The following CTNNA3 variants were observed in gnomAD, a reference collection of about 807,000 sequenced individuals.
CTNNA3 encodes the protein catenin alpha-3.
CTNNA3 carries 76 observed loss-of-function variants against 95.7 expected under a neutral mutation model. That is an observed-to-expected ratio of 0.79 (90% CI 0.66 to 0.96). The LOEUF (loss-of-function observed/expected upper bound fraction) is 0.96, where lower values mean the gene tolerates loss of function less well. Among genes scored for constraint, CTNNA3 ranks in the 40% least tolerant of loss-of-function variants. The probability of loss-of-function intolerance (pLI) is 0.00; values close to 1 mark genes in which losing one functional copy is unlikely to be tolerated. For missense variants in CTNNA3, 1,191 were observed against 1,089.8 expected (o/e 1.09, Z -1.31); for synonymous variants, 431 against 374.4 (o/e 1.15, Z -1.74).
chr10:66,405,301 T>TG (rs1250692189), intron 11 of CTNNA3, among the ~76,000 whole-genome samples: 1 of 152,146 alleles, frequency 6.6e-6, no homozygotes, highest in Non-Finnish European at 1.5e-5. Context: ...ATTATGTGAT[T>TG]TATATTAAAT....
At chr10:66,903,781 G>C (rs1845862530) in intron 7 of CTNNA3, among the ~76,000 whole-genome samples, 1 of 152,102 alleles carries the variant, frequency 6.6e-6, no homozygotes, top group Non-Finnish European at 1.5e-5. Context: ...ATTCACAATT[G>C]CTACAAAGAG....
intron 7 of CTNNA3, among the ~76,000 whole-genome samples, chr10:66,936,793 T>C (rs1263984822): frequency 6.6e-6 from 1 of 152,148 alleles, no homozygotes; most frequent in South Asian, 2.1e-4. Flanking sequence ...TGGTTTCTTA[T>C]GCGTTATCAA....
intron 7 of CTNNA3, among the ~76,000 whole-genome samples, chr10:67,156,783 TC>T (rs1162308215): frequency 6.6e-6 from 1 of 152,102 alleles, no homozygotes; most frequent in Non-Finnish European, 1.5e-5. Context: ...GAATGTTCTG[TC>T]CATGTTTTTT....
intron 7 of CTNNA3, among the ~76,000 whole-genome samples, chr10:67,127,431 C>T (rs915672955): frequency 1.3e-5 from 2 of 152,182 alleles, no homozygotes; most frequent in Non-Finnish European, 2.9e-5. Flanking sequence ...TGAACATCAT[C>T]ATTCCAGGAT....
intron 1 of CTNNA3, among the ~76,000 whole-genome samples, chr10:67,689,806 T>A (rs1199545356): frequency 6.6e-6 from 1 of 152,140 alleles, no homozygotes; most frequent in Non-Finnish European, 1.5e-5. Context: ...CTGGCACCTG[T>A]GTCTTTAGTC....
intron 5 of CTNNA3, among the ~76,000 whole-genome samples, chr10:67,432,132 A>G (rs1846129342): frequency 1.3e-5 from 2 of 152,026 alleles, no homozygotes. Flanking sequence ...CTAAATGCCT[A>G]TATTAGAAAA....
chr10:67,465,676 C>A (rs1044758093), intron 5 of CTNNA3, among the ~76,000 whole-genome samples: 14 of 152,078 alleles, frequency 9.2e-5, no homozygotes, highest in Non-Finnish European at 1.9e-4. Context: ...CAACTCAGCA[C>A]CCAGGGGAGA....
chr10:66,917,098 A>T (rs1031647678), intron 7 of CTNNA3, among the ~76,000 whole-genome samples: 2 of 152,210 alleles, frequency 1.3e-5, no homozygotes, highest in African/African-American at 4.8e-5. Flanking sequence ...CATCAACAAG[A>T]ATGCAAGAAG....
At chr10:67,170,553 T>C (rs1861974370) in intron 7 of CTNNA3, among the ~76,000 whole-genome samples, 1 of 152,102 alleles carries the variant, frequency 6.6e-6, no homozygotes, top group African/African-American at 2.4e-5. Context: ...CACTTATAAG[T>C]GGGAGCTAAA....
intron 9 of CTNNA3, among the ~76,000 whole-genome samples, chr10:66,635,990 CTGTGTGTGTGTG>C (rs10527642): frequency 0.13 from 18,958 of 145,814 alleles, 1,560 homozygotes; most frequent in African/African-American, 0.23. Context: ...TGGAAGAACA[CTGTGTGTGTGTG>C]TGTGTGTGTG....
At chr10:66,717,224 C>T (rs943710907) in intron 9 of CTNNA3, among the ~76,000 whole-genome samples, 1 of 152,064 alleles carries the variant, frequency 6.6e-6, no homozygotes, top group Non-Finnish European at 1.5e-5. Context: ...GACCTGCCAG[C>T]CCCCGCCATG....
intron 7 of CTNNA3, among the ~76,000 whole-genome samples, chr10:67,109,534 T>A (rs1458335923): frequency 1.3e-5 from 2 of 152,176 alleles, no homozygotes; most frequent in Non-Finnish European, 2.9e-5. Flanking sequence ...AAGGCATAGT[T>A]TTCTGATTTT....
chr10:66,159,007 T>A (rs2084698380), intron 13 of CTNNA3, among the ~76,000 whole-genome samples: 1 of 152,110 alleles, frequency 6.6e-6, no homozygotes. Flanking sequence ...TACATTAATC[T>A]TGTATCTGGA....
intron 1 of CTNNA3, among the ~76,000 whole-genome samples, chr10:67,731,847 C>A (rs1462934456): frequency 6.7e-6 from 1 of 149,276 alleles, no homozygotes; most frequent in African/African-American, 2.5e-5. Flanking sequence ...TGGTTCACAT[C>A]ATTAGTTTTT....
chr10:67,673,797 GGAC>G (rs1454493935), intron 1 of CTNNA3, among the ~76,000 whole-genome samples: 1 of 128,860 alleles, frequency 7.8e-6, no homozygotes, highest in Non-Finnish European at 1.7e-5. Flanking sequence ...AGTTAATAAC[GGAC>G]GTCCGTTATT....
intron 16 of CTNNA3, among the ~76,000 whole-genome samples, chr10:65,979,677 C>A (rs918378297): frequency 2.1e-4 from 32 of 151,950 alleles, no homozygotes; most frequent in Non-Finnish European, 4.3e-4. Context: ...TGTAACTATA[C>A]ATGAAGTGAA....
At chr10:66,286,161 T>C (rs1419046875) in intron 12 of CTNNA3, among the ~76,000 whole-genome samples, 1 of 152,020 alleles carries the variant, frequency 6.6e-6, no homozygotes, top group Non-Finnish European at 1.5e-5. Context: ...ATATTTCACA[T>C]TAGTAAACAT....
At chr10:67,523,315 C>T (rs1354314595) in intron 4 of CTNNA3, among the ~76,000 whole-genome samples, 2 of 152,176 alleles carry the variant, frequency 1.3e-5, no homozygotes, top group Non-Finnish European at 2.9e-5. Context: ...ACATGAAATT[C>T]GGAAATGAGA....
chr10:66,912,962 G>A (rs552254165), intron 7 of CTNNA3, among the ~76,000 whole-genome samples: 34 of 152,192 alleles, frequency 2.2e-4, no homozygotes, highest in Non-Finnish European at 3.2e-4. Context: ...TACATAGGCC[G>A]GGCGCGGTGG....
Sources: gnomAD v4.1 joint callset for allele counts (sites outside exome capture counted in the v4.1 genomes callset) on GRCh38, gnomAD v4.1.1 for gene constraint, MANE v1.5 for transcripts, NCBI Gene and HGNC (gene_info 2026-07-23, HGNC 2026-07-21) for gene names.